ZNF679: variants seen among roughly 807,000 people sequenced by gnomAD.
ZNF679 encodes hypothetical protein MGC42415.
In ZNF679, 10 loss-of-function variants were observed where a neutral mutation model predicts 13.4. The ratio of observed to expected loss-of-function variants is 0.75; its 90% CI spans 0.46 to 1.27. ZNF679 has a LOEUF of 1.27. Ranked by LOEUF, ZNF679 falls within the 50% of genes most tolerant of loss-of-function variation. The probability of loss-of-function intolerance (pLI) is 0.00; values close to 1 mark genes in which losing one functional copy is unlikely to be tolerated. For missense variants in ZNF679, 525 were observed against 477.8 expected (o/e 1.10, Z -0.92); for synonymous variants, 179 against 162.5 (o/e 1.10, Z -0.77).
At chr7:64,252,613 T>TGTG (rs1787957310) in intron 2 of ZNF679, among the ~76,000 whole-genome samples, 2 of 152,274 alleles carry the variant, frequency 1.3e-5, no homozygotes, top group South Asian at 4.1e-4. Context: ...CACAAGAAAA[T>TGTG]GTGGTAGATA....
chr7:64,265,993 T>G lies in ZNF679; in HGVS notation c.360T>G (p.His120Gln). The change falls in exon 5 of 5, where the codon CAT becomes CAG. Residue 120 changes from histidine to glutamine, a missense_variant. His to Gln is a conservative substitution (Grantham distance 24). Coordinates refer to ENST00000421025, the MANE Select transcript of ZNF679 (RefSeq NM_153363.3). ...VIPRRYGKSGHDNLQVKTCKS... is the reference protein window; with the variant it reads ...VIPRRYGKSGQDNLQVKTCKS... Reference sequence around the variant, plus strand: ...CAAGAAGATATGGAAAAAGTGGACATGACAATTTACAAGTAAAAACATGTA... The same window carrying G: ...CAAGAAGATATGGAAAAAGTGGACAGGACAATTTACAAGTAAAAACATGTA... 6.2e-7 allele frequency: 1 copy of G among 1,613,744 alleles called. No homozygotes were observed. The highest frequency in any genetic ancestry group is 8.5e-7 in the Non-Finnish European group (1 of 1,179,822).
intron 4 of ZNF679, among the ~76,000 whole-genome samples, 175 bp from the exon 5 acceptor site, chr7:64,265,721 T>C (rs937781030): frequency 7.2e-5 from 11 of 152,188 alleles, no homozygotes; most frequent in African/African-American, 1.9e-4. Flanking sequence ...CCAGCAAAGG[T>C]ATTTTGATCA....
At position 64,266,893 on chromosome 7, in the gene ZNF679, C is replaced by A. The variant is rs747567676; in HGVS notation, c.*24C>A. On this transcript the variant is annotated 3_prime_UTR_variant, in exon 5 of 5. Coordinates refer to ENST00000421025, the MANE Select transcript of ZNF679 (RefSeq NM_153363.3). Reference sequence around the variant, plus strand: ...AATGTGATAAAGTCCAGCCTTCAGACCTTATAATACATAAAATAATTTATA... The same window carrying A: ...AATGTGATAAAGTCCAGCCTTCAGAACTTATAATACATAAAATAATTTATA... The A allele has an allele frequency of 2.7e-5, 41 of 1,496,970 alleles. No homozygotes were observed. Among genetic ancestry groups the A allele is most frequent in the Non-Finnish European group, 3.5e-5 (40 of 1,127,002 alleles). The allele number at this position is 1,496,970 out of a possible 1,614,324, so 92.7% of individuals were successfully genotyped here.
At position 64,255,936 on chromosome 7, in the gene ZNF679, T is replaced by C. The variant is rs556425127; in HGVS notation, c.40-4285T>C. Among the ~76,000 whole-genome samples the C allele has an allele frequency of 2.6e-5, 4 of 152,268 alleles. No individual in the cohort carries two copies. In the East Asian group the frequency reaches 7.7e-4, roughly 29 times the overall value. ...ATTTTTTTTCTTTTACCTTTTATTT[T>C]AGATTCAACAGTACATATGCAAGTT... On this transcript the variant is annotated intron_variant, in intron 2 of 4. Transcript: ENST00000421025.
In ZNF679 at chr7:64,266,578, G is replaced by A; in HGVS notation, c.945G>A (p.Lys315=). 6.2e-7 allele frequency: 1 copy of A among 1,607,222 alleles called. No individual in the cohort carries two copies. The highest frequency in any genetic ancestry group is 1.1e-5 in the South Asian group (1 of 90,792). The change falls in exon 5 of 5, where the codon AAG becomes AAA. Residue 315 remains lysine (K), a synonymous_variant. Transcript: ENST00000421025. Reference sequence around the variant, plus strand: ...TATCCTCATCCCTCACTTACCACAAGAGAATTCATACTGGAGAGAAACCCT... The same window carrying A: ...TATCCTCATCCCTCACTTACCACAAAAGAATTCATACTGGAGAGAAACCCT... The part of the protein sequence containing the change: ...FSLSSSLTYH[K]RIHTGEKPYT...
At chr7:64,242,011 T>G (rs1584227973) in intron 1 of ZNF679, among the ~76,000 whole-genome samples, 2 of 152,330 alleles carry the variant, frequency 1.3e-5, no homozygotes, top group East Asian at 3.9e-4. Context: ...GATATGTGTT[T>G]AAGTACTTGA....
At position 64,228,874 on chromosome 7, in the gene ZNF679, C is replaced by T. The variant is rs369647027; in HGVS notation, c.-91+222C>T. 2.0e-5 allele frequency among the ~76,000 whole-genome samples: 3 copies of T among 152,172 alleles called. No homozygotes were observed. The East Asian group carries it at 5.8e-4, about 29-fold the overall frequency. On this transcript the variant is annotated intron_variant, in intron 1 of 4. Coordinates refer to ENST00000421025, the MANE Select transcript of ZNF679 (RefSeq NM_153363.3). ...TGCCTCTGGGCATGAGATTCAGAAC[C>T]TCAACAGTGAGCTGTGTCCATATGG...
chr7:64,243,653 A>G (rs11980921), intron 1 of ZNF679, among the ~76,000 whole-genome samples: 45,685 of 152,146 alleles, frequency 0.3, 7,661 homozygotes, highest in East Asian at 0.48. Flanking sequence ...CCAATACCCC[A>G]GGAGGGCAAA....
In ZNF679 at chr7:64,266,119, C is replaced by G. The variant is rs761699394; in HGVS notation, c.486C>G (p.Val162=). The change falls in exon 5 of 5, where the codon GTC becomes GTG. Residue 162 remains valine, a synonymous_variant. Coordinates refer to ENST00000421025, the MANE Select transcript of ZNF679 (RefSeq NM_153363.3). ...QNKIFQTHKC[V]KVFGKFSNSN... Reference sequence around the variant, plus strand: ...AAATATTTCAGACTCATAAATGTGTCAAAGTCTTCGGCAAATTTTCAAATT... The same window carrying G: ...AAATATTTCAGACTCATAAATGTGTGAAAGTCTTCGGCAAATTTTCAAATT... The G allele has an allele frequency of 1.9e-6, 3 of 1,610,572 alleles. No individual in the cohort carries two copies. The highest frequency in any genetic ancestry group is 2.7e-5 in the African/African-American group (2 of 74,900).
At chr7:64,234,031 A>T (rs1034599760) in intron 1 of ZNF679, among the ~76,000 whole-genome samples, 1 of 152,166 alleles carries the variant, frequency 6.6e-6, no homozygotes, top group Non-Finnish European at 1.5e-5. Context: ...TCAAACCCTC[A>T]TTAGAATCAA....
Position 64,260,942 on chromosome 7 carries a change from G to T in ZNF679, c.262+13G>T. On this transcript the variant is annotated intron_variant, in intron 4 of 4. Transcript: ENST00000421025. ...ACCAAACACCCAGGTAAGTGAGAGT[G>T]GATGAAGCGGATGACACAGATGAGA... 3 of 1,605,240 alleles carry T rather than the reference G, an allele frequency of 1.9e-6. No homozygotes were observed. Among genetic ancestry groups the T allele is most frequent in the Non-Finnish European group, 1.7e-6 (2 of 1,175,954 alleles).
chr7:64,266,269 C>T lies in ZNF679; in HGVS notation c.636C>T (p.Tyr212=), dbSNP rs371775226. The T allele has an allele frequency of 6.3e-7, 1 of 1,592,600 alleles. No homozygotes were observed. Among genetic ancestry groups the T allele is most frequent in the Non-Finnish European group, 8.6e-7 (1 of 1,168,636 alleles). Residue 212 remains tyrosine, a synonymous_variant, in exon 5 of 5, where the codon TAC becomes TAT. Coordinates refer to ENST00000421025, the MANE Select transcript of ZNF679 (RefSeq NM_153363.3). ...TAATTCATACTAGGGAGAATTCCTA[C>T]CAATGTGAAGAATGCGGCAAACCCT... ...HQIIHTRENS[Y]QCEECGKPFN...
chr7:64,253,666 T>C (rs181710524), intron 2 of ZNF679, among the ~76,000 whole-genome samples: 46 of 152,310 alleles, frequency 3.0e-4, no homozygotes, highest in Admixed American at 1.2e-3. Context: ...TTTAAGGATA[T>C]CAATGTTTAG....
At chr7:64,245,444 G>GAGAGAGAGAGAGAGAGAGAGA (rs1562842851) in intron 1 of ZNF679, among the ~76,000 whole-genome samples, 1 of 113,584 alleles carries the variant, frequency 8.8e-6, no homozygotes, top group Non-Finnish European at 2.1e-5. Flanking sequence ...AGAGAGAGAG[G>GAGAGAGAGAGAGAGAGAGAGA]GAGAGAGAGA....
intron 1 of ZNF679, among the ~76,000 whole-genome samples, chr7:64,236,542 G>C (rs953620113): frequency 6.6e-6 from 1 of 151,888 alleles, no homozygotes; most frequent in Non-Finnish European, 1.5e-5. Context: ...CCAGCACTTT[G>C]TGGAGGCTGA....
chr7:64,232,953 G>A lies in ZNF679; in HGVS notation c.-91+4301G>A, dbSNP rs528424384. Among the ~76,000 whole-genome samples, 10 of 152,286 alleles carry A rather than the reference G, an allele frequency of 6.6e-5. No homozygotes were observed. In the South Asian group the frequency reaches 2.1e-3, roughly 32 times the overall value. On this transcript the variant is annotated intron_variant, in intron 1 of 4. Transcript: ENST00000421025. ...TTAAGGGCAGGGCCCAAGAAATAGAGTCATAGGCTGGGTGTGCTGGTTCAC... is the reference window on the plus strand; with the variant it reads ...TTAAGGGCAGGGCCCAAGAAATAGAATCATAGGCTGGGTGTGCTGGTTCAC...
At chr7:64,256,571 G>A (rs1388072719) in intron 2 of ZNF679, among the ~76,000 whole-genome samples, 1 of 48,690 alleles carries the variant, frequency 2.1e-5, no homozygotes, top group Non-Finnish European at 5.9e-5. Flanking sequence ...AACCTCACAA[G>A]CATCTGTTGT....
At chr7:64,230,701 A>G (rs1373668574) in intron 1 of ZNF679, among the ~76,000 whole-genome samples, 1 of 152,182 alleles carries the variant, frequency 6.6e-6, no homozygotes, top group African/African-American at 2.4e-5. Flanking sequence ...CACCTGCAGG[A>G]ATGTCCAGAG....
intron 1 of ZNF679, among the ~76,000 whole-genome samples, chr7:64,247,208 C>A (rs1256486352): frequency 6.6e-6 from 1 of 152,194 alleles, no homozygotes. Flanking sequence ...GTTTTATCAG[C>A]AAGGTCTTTG....
Sources: gnomAD v4.1 joint callset for allele counts (sites outside exome capture counted in the v4.1 genomes callset) on GRCh38, gnomAD v4.1.1 for gene constraint, MANE v1.5 for transcripts, NCBI Gene and HGNC (gene_info 2026-07-23, HGNC 2026-07-21) for gene names.